Variants in LARP4B observed in about 807,000 individuals in gnomAD.
The protein encoded by LARP4B is la-related protein 4B.
In LARP4B, 12 loss-of-function variants were observed where a neutral mutation model predicts 89.8. That is an observed-to-expected ratio of 0.13 (90% CI 0.09 to 0.22). LARP4B has a LOEUF of 0.22. Among genes scored for constraint, LARP4B ranks in the 10% least tolerant of loss-of-function variants. The probability of loss-of-function intolerance (pLI) is 1.00; values close to 1 mark genes in which losing one functional copy is unlikely to be tolerated. For missense variants in LARP4B, 757 were observed against 947.7 expected (o/e 0.80, Z 2.64); for synonymous variants, 367 against 363.3 (o/e 1.01, Z -0.12).
chr10:945,502 T>A, the LARP4B span, among the ~76,000 whole-genome samples: 5 of 150,950 alleles, frequency 3.3e-5, no homozygotes, highest in Admixed American at 6.6e-5. Flanking sequence ...CTGGCTAATA[T>A]GGTGAAACCC....
intron 4 of LARP4B, 82 bp downstream of exon 4, chr10:864,041 C>T (rs902227784): frequency 2.5e-6 from 4 of 1,582,732 alleles, no homozygotes; most frequent in South Asian, 1.1e-5. Flanking sequence ...GAATGAACAA[C>T]ATCTTAAAGA....
intron 1 of LARP4B, among the ~76,000 whole-genome samples, chr10:914,457 C>G (rs989946372): frequency 4.0e-5 from 6 of 151,832 alleles, no homozygotes; most frequent in African/African-American, 9.7e-5. Flanking sequence ...CGAGATCACG[C>G]CACTGCACTC....
intron 11 of LARP4B, among the ~76,000 whole-genome samples, chr10:827,560 A>T (rs948263185): frequency 6.6e-6 from 1 of 152,230 alleles, no homozygotes; most frequent in African/African-American, 2.4e-5. Flanking sequence ...CACAAGTAAA[A>T]GGCTGCGATG....
At chr10:867,386 G>A (rs1834956014) in intron 3 of LARP4B, among the ~76,000 whole-genome samples, 1 of 151,894 alleles carries the variant, frequency 6.6e-6, no homozygotes, top group South Asian at 2.1e-4. Context: ...TAAAAACGAT[G>A]GTAATTAGAA....
intron 1 of LARP4B, among the ~76,000 whole-genome samples, chr10:897,987 CAA>C (rs58452748): frequency 2.3e-4 from 6 of 25,646 alleles, no homozygotes; most frequent in African/African-American, 7.1e-4. Flanking sequence ...GGCTCCATCT[CAA>C]AAAAAAAAAA....
chr10:881,750 C>T lies in LARP4B; in HGVS notation c.141+2697G>A, dbSNP rs1204787351. 3.9e-5 allele frequency among the ~76,000 whole-genome samples: 6 copies of T among 152,208 alleles called. No homozygotes were observed. The East Asian group carries it at 5.8e-4, about 15-fold the overall frequency. The stretch of plus-strand genomic sequence containing the variant: ...AGAGTGCTTCTTCTAGACTCACCTA[C>T]GTCTCAGTGCCTCCCACCTCCAGGT... On this transcript the variant is annotated intron_variant, in intron 3 of 17. Transcript: ENST00000316157.
chr10:970,394 G>C, the LARP4B span, among the ~76,000 whole-genome samples: 1 of 152,184 alleles, frequency 6.6e-6, no homozygotes, highest in East Asian at 1.9e-4. Context: ...TCCATGATGG[G>C]TGTCACACAC....
chr10:821,055 G>A (rs180852696), intron 13 of LARP4B: 9 of 566,392 alleles, frequency 1.6e-5, no homozygotes, highest in African/African-American at 1.5e-4. Context: ...TAACGTGGAA[G>A]TCCAGGCAAG....
At chr10:861,186 G>A (rs763205032) in intron 5 of LARP4B, among the ~76,000 whole-genome samples, 12 of 152,126 alleles carry the variant, frequency 7.9e-5, no homozygotes, top group Non-Finnish European at 1.3e-4. Context: ...CCGGTTCCAC[G>A]GAGAAAGGAG....
intron 3 of LARP4B, among the ~76,000 whole-genome samples, chr10:876,307 C>T (rs937350784): frequency 6.6e-6 from 1 of 152,084 alleles, no homozygotes; most frequent in African/African-American, 2.4e-5. Context: ...TCGCTTGAAC[C>T]CAGCGGGTCA....
chr10:820,995 C>A, intron 13 of LARP4B, 150 bp from the exon 14 acceptor site: 1 of 678,830 alleles, frequency 1.5e-6, no homozygotes, highest in Non-Finnish European at 2.5e-6. Flanking sequence ...TTCTAAAATC[C>A]CAACTTCAGG....
At chr10:981,040 T>G in the LARP4B span, among the ~76,000 whole-genome samples, 2 of 152,238 alleles carry the variant, frequency 1.3e-5, no homozygotes, top group Non-Finnish European at 1.5e-5. Flanking sequence ...TGCTTAGTAA[T>G]TTCTTCTGTC....
At chr10:850,562 C>T (rs1833991682) in intron 5 of LARP4B, among the ~76,000 whole-genome samples, 1 of 152,154 alleles carries the variant, frequency 6.6e-6, no homozygotes, top group Non-Finnish European at 1.5e-5. Flanking sequence ...GTTGACAGAA[C>T]AAGTAGACAG....
chr10:841,849 T>G (rs549217040), intron 7 of LARP4B, among the ~76,000 whole-genome samples: 25 of 152,314 alleles, frequency 1.6e-4, no homozygotes, highest in Admixed American at 4.6e-4. Context: ...TAATAACCCA[T>G]GCTATTTGTC....
chr10:943,242 T>C, the LARP4B span, among the ~76,000 whole-genome samples: 4 of 152,100 alleles, frequency 2.6e-5, no homozygotes, highest in Admixed American at 2.0e-4. Flanking sequence ...CCACCGCACC[T>C]GGCCTCACAA....
chr10:809,511 AATTTT>A lies in LARP4B; in HGVS notation c.*3410_*3414del, dbSNP rs1174624361. On this transcript the variant is annotated 3_prime_UTR_variant, in exon 18 of 18. Transcript: ENST00000316157. The stretch of plus-strand genomic sequence containing the variant: ...TTTAGAAAAGATGCATTATTGAAGA[AATTTT>A]AATTTAAAAAAAATCAAAAGAAAAA... 3 of 152,248 alleles carry A rather than the reference AATTTT, an allele frequency of 2.0e-5. No individual in the cohort carries two copies. The highest frequency in any genetic ancestry group is 7.2e-5 in the African/African-American group (3 of 41,460). The allele number at this position is 152,248 out of a possible 1,614,324, so 9.4% of individuals were successfully genotyped here.
intron 5 of LARP4B, among the ~76,000 whole-genome samples, chr10:855,424 G>T (rs146170388): frequency 1.4e-4 from 21 of 152,194 alleles, no homozygotes; most frequent in African/African-American, 4.8e-4. Context: ...GGAATGTAGG[G>T]CTATTAATTG....
the LARP4B span, chr10:986,709 G>C: frequency 2.0e-5 from 3 of 152,358 alleles, no homozygotes; most frequent in African/African-American, 7.2e-5. Flanking sequence ...GGAGGCCAAG[G>C]TGGGTGGATC....
intron 3 of LARP4B, among the ~76,000 whole-genome samples, chr10:875,328 A>T (rs576598899): frequency 1.3e-5 from 2 of 152,330 alleles, no homozygotes; most frequent in East Asian, 1.9e-4. Context: ...TGTTAGGCAG[A>T]CTTTAAGTAG....
Sources: gnomAD v4.1 joint callset for allele counts (sites outside exome capture counted in the v4.1 genomes callset) on GRCh38, gnomAD v4.1.1 for gene constraint, MANE v1.5 for transcripts, NCBI Gene and HGNC (gene_info 2026-07-23, HGNC 2026-07-21) for gene names.